Variants in FER1L6 observed in about 807,000 individuals in gnomAD.
The protein encoded by FER1L6 is fer-1-like protein 6.
FER1L6 carries 177 observed loss-of-function variants against 219.2 expected under a neutral mutation model. The ratio of observed to expected loss-of-function variants is 0.81; its 90% CI spans 0.71 to 0.91. The LOEUF (loss-of-function observed/expected upper bound fraction) is 0.91, where lower values mean the gene tolerates loss of function less well. Among genes scored for constraint, FER1L6 ranks in the 40% least tolerant of loss-of-function variants. The pLI is 0.00. For missense variants in FER1L6, 2,153 were observed against 2,259.9 expected (o/e 0.95, Z 0.96); for synonymous variants, 768 against 824.3 (o/e 0.93, Z 1.17).
At chr8:123,879,538 G>C (rs1266295245) in intron 1 of FER1L6, among the ~76,000 whole-genome samples, 1 of 152,084 alleles carries the variant, frequency 6.6e-6, no homozygotes, top group Non-Finnish European at 1.5e-5. Flanking sequence ...TGTTAGCCAG[G>C]ATGGTCTCCG....
intron 1 of FER1L6, among the ~76,000 whole-genome samples, chr8:123,876,250 CTGAGA>C (rs1158670941): frequency 6.6e-6 from 1 of 152,136 alleles, no homozygotes; most frequent in African/African-American, 2.4e-5. Context: ...ATTTCTCTTT[CTGAGA>C]TATTTTCATC....
At chr8:124,062,294 G>A (rs1477622148) in intron 25 of FER1L6, among the ~76,000 whole-genome samples, 1 of 152,098 alleles carries the variant, frequency 6.6e-6, no homozygotes, top group African/African-American at 2.4e-5. Context: ...CATTTTACTT[G>A]GCTCTGTGCT....
At chr8:123,996,361 A>G (rs1214481529) in intron 12 of FER1L6, among the ~76,000 whole-genome samples, 1 of 152,066 alleles carries the variant, frequency 6.6e-6, no homozygotes, top group African/African-American at 2.4e-5. Context: ...TGTATTTTCA[A>G]TTGTTATATC....
intron 1 of FER1L6, among the ~76,000 whole-genome samples, chr8:123,939,697 A>T (rs1814154211): frequency 6.6e-6 from 1 of 152,194 alleles, no homozygotes; most frequent in Non-Finnish European, 1.5e-5. Flanking sequence ...CATAGGATGC[A>T]TGGCCTCAGT....
At chr8:123,902,658 C>A (rs892246997) in intron 1 of FER1L6, among the ~76,000 whole-genome samples, 1 of 152,076 alleles carries the variant, frequency 6.6e-6, no homozygotes. Flanking sequence ...ATTTTCACCC[C>A]TTTAAGTTTA....
At chr8:124,039,007 C>A (rs1225990415) in intron 19 of FER1L6, among the ~76,000 whole-genome samples, 1 of 152,174 alleles carries the variant, frequency 6.6e-6, no homozygotes, top group Non-Finnish European at 1.5e-5. Context: ...TACCATGGAC[C>A]AAGGACTGTG....
chr8:123,977,315 A>G, intron 9 of FER1L6, 102 bp from the exon 10 acceptor site: 1 of 1,210,112 alleles, frequency 8.3e-7, no homozygotes, highest in South Asian at 1.5e-5. Context: ...AAGCAGGTTC[A>G]TTATCTTTGA....
intron 37 of FER1L6, among the ~76,000 whole-genome samples, chr8:124,099,728 G>C (rs1822471576): frequency 6.6e-6 from 1 of 152,146 alleles, no homozygotes; most frequent in Non-Finnish European, 1.5e-5. Flanking sequence ...TCTCTGAACA[G>C]ATTCAAGTCC....
At chr8:124,091,660 G>A (rs1822035440) in intron 34 of FER1L6, 77 bp downstream of exon 34, 4 of 1,486,158 alleles carry the variant, frequency 2.7e-6, no homozygotes, top group Non-Finnish European at 2.8e-6. Flanking sequence ...TTTGGCTATG[G>A]GACATCTAAT....
In FER1L6 at chr8:124,039,878, A is replaced by T. The variant is rs768903892; in HGVS notation, c.2465-4A>T. 1.9e-6 allele frequency: 3 copies of T among 1,614,060 alleles called. No homozygotes were observed. The Admixed American group carries it at 5.0e-5, about 27-fold the overall frequency. Reference sequence around the variant, plus strand: ...ACCTGCCCCCTTCCATGATTTGTCCACAGAACAGCATGTTTTTCAGCTGAG... The same window carrying T: ...ACCTGCCCCCTTCCATGATTTGTCCTCAGAACAGCATGTTTTTCAGCTGAG... On this transcript the variant is annotated splice_region_variant and splice_polypyrimidine_tract_variant and intron_variant, in intron 19 of 40. Transcript: ENST00000522917.
At chr8:123,964,862 C>T (rs1815464995) in intron 3 of FER1L6, among the ~76,000 whole-genome samples, 2 of 152,144 alleles carry the variant, frequency 1.3e-5, no homozygotes. Context: ...TTTCTTTACC[C>T]TATGACACAT....
intron 1 of FER1L6, among the ~76,000 whole-genome samples, chr8:123,953,089 T>C (rs1814843391): frequency 6.6e-6 from 1 of 152,178 alleles, no homozygotes; most frequent in Non-Finnish European, 1.5e-5. Flanking sequence ...AGTGGCACCA[T>C]CATTCTGGGC....
chr8:123,917,339 G>T (rs913159815), intron 1 of FER1L6, among the ~76,000 whole-genome samples: 1 of 152,200 alleles, frequency 6.6e-6, no homozygotes, highest in African/African-American at 2.4e-5. Flanking sequence ...TTTTGAAAGT[G>T]CAGAGGACTT....
chr8:124,021,603 A>C lies in FER1L6; in HGVS notation c.2067A>C (p.Leu689Phe), dbSNP rs763339935. The C allele has an allele frequency of 2.5e-6, 4 of 1,614,048 alleles. No individual in the cohort carries two copies. In the South Asian group the frequency reaches 4.4e-5, roughly 18 times the overall value. The change falls in exon 17 of 41, where the codon TTA (leucine) becomes TTC (phenylalanine). Residue 689 changes from leucine to phenylalanine, a missense_variant. Transcript: ENST00000522917. Reference protein sequence around the residue: ...KGIIQQQKKKLSVDEMIHEAQ... With the variant: ...KGIIQQQKKKFSVDEMIHEAQ... ...TCATTCAGCAGCAGAAGAAAAAGTT[A>C]TCTGTTGATGAAATGATTCACGAAG...
intron 1 of FER1L6, among the ~76,000 whole-genome samples, chr8:123,930,974 A>G (rs1363654568): frequency 6.6e-6 from 1 of 152,122 alleles, no homozygotes; most frequent in Non-Finnish European, 1.5e-5. Context: ...TCTTCTTGAC[A>G]GGCCCTTTCT....
At chr8:124,049,967 G>C (rs1223179190) in intron 22 of FER1L6, among the ~76,000 whole-genome samples, 2 of 152,238 alleles carry the variant, frequency 1.3e-5, no homozygotes, top group Non-Finnish European at 2.9e-5. Flanking sequence ...CAGAATCTCA[G>C]GATGAAATAT....
intron 11 of FER1L6, 59 bp downstream of exon 11, chr8:123,980,870 GC>G: frequency 2.2e-6 from 3 of 1,391,824 alleles, no homozygotes; most frequent in Non-Finnish European, 2.9e-6. Context: ...AGCAGGGACT[GC>G]CCCTGCCACA....
chr8:124,091,738 G>A (rs533875490), intron 34 of FER1L6, among the ~76,000 whole-genome samples, 155 bp downstream of exon 34: 124 of 151,982 alleles, frequency 8.2e-4, no homozygotes, highest in African/African-American at 2.6e-3. Context: ...AGGCTGAGGC[G>A]GGCGGATCAC....
At chr8:123,962,998 T>G (rs904995016) in intron 2 of FER1L6, among the ~76,000 whole-genome samples, 1 of 152,248 alleles carries the variant, frequency 6.6e-6, no homozygotes, top group African/African-American at 2.4e-5. Context: ...GATTTTATTT[T>G]TAGTTTACAC....
Sources: allele counts gnomAD v4.1 joint callset (sites outside exome capture counted in the v4.1 genomes callset), GRCh38; gene constraint gnomAD v4.1.1; transcripts MANE v1.5; gene names NCBI Gene and HGNC (gene_info 2026-07-23, HGNC 2026-07-21).